URM1: variants seen among roughly 807,000 people sequenced by gnomAD.
URM1 encodes ubiquitin-related modifier 1.
Under a neutral mutation model 17.7 loss-of-function variants are expected in URM1, and 11 were observed. The ratio of observed to expected loss-of-function variants is 0.62; its 90% CI spans 0.39 to 1.03. The LOEUF is 1.03. Among genes scored for constraint, URM1 ranks in the 50% least tolerant of loss-of-function variants. The pLI, the probability that URM1 is intolerant of heterozygous loss-of-function variation, is 0.00. For missense variants in URM1, 128 were observed against 129.2 expected, an observed-to-expected ratio of 0.99 and a Z score of 0.04; for synonymous variants, 48 against 50.6, an observed-to-expected ratio of 0.95 and a Z score of 0.22.
Position 128,387,034 on chromosome 9 carries a change from C to T in URM1, c.107-782C>T, listed in dbSNP as rs1206079588. On this transcript the variant is annotated intron_variant, in intron 2 of 4. Coordinates refer to ENST00000372853, the MANE Select transcript of URM1 (RefSeq NM_030914.4). This position sits in a 1 kb window ranked among gnomAD's most constrained non-coding sequence, Gnocchi z 4.3. ...TGTGTGCTGTGGCCCGATACTGCTGCCCCTAGGAAAGGACAGGTGACCCTG... is the reference window on the plus strand; with the variant it reads ...TGTGTGCTGTGGCCCGATACTGCTGTCCCTAGGAAAGGACAGGTGACCCTG... Among the ~76,000 whole-genome samples the T allele has an allele frequency of 1.3e-5, 2 of 152,244 alleles. No individual in the cohort carries two copies. The highest frequency in any genetic ancestry group is 2.9e-5 in the Non-Finnish European group (2 of 68,038).
At chr9:128,375,961 G>A (rs73614134) in intron 1 of URM1, among the ~76,000 whole-genome samples, 3,241 of 152,204 alleles carry the variant, frequency 0.021, 125 homozygotes, top group African/African-American at 0.073. Flanking sequence ...CATCGGGGCC[G>A]GCAGCTCCAA....
chr9:128,390,116 T>A lies in URM1; in HGVS notation c.*382T>A. On this transcript the variant is annotated 3_prime_UTR_variant, in exon 5 of 5. Coordinates refer to ENST00000372853, the MANE Select transcript of URM1 (RefSeq NM_030914.4). Reference sequence around the variant, plus strand: ...CGCTCCAGCCCCAGAGCCAGCGTCTTCATGGGGAAGATGAATGGACCTGAG... The same window carrying A: ...CGCTCCAGCCCCAGAGCCAGCGTCTACATGGGGAAGATGAATGGACCTGAG... 1 of 264,546 alleles carries A rather than the reference T, an allele frequency of 3.8e-6. No homozygotes were observed. The highest frequency in any genetic ancestry group is 7.2e-6 in the Non-Finnish European group (1 of 138,152). 16.4% of individuals were successfully genotyped at this position (264,546 alleles called of 1,614,324 possible). A position where few individuals can be genotyped will look rare whatever the true frequency, so the allele number is the denominator to read the frequency against.
intron 2 of URM1, among the ~76,000 whole-genome samples, chr9:128,379,576 G>T (rs1833130516): frequency 6.6e-6 from 1 of 152,118 alleles, no homozygotes; most frequent in Admixed American, 6.6e-5. Context: ...AAGGCGGGTG[G>T]ATCACGAGGT....
chr9:128,384,559 T>G (rs1467455347), intron 2 of URM1, among the ~76,000 whole-genome samples: 1 of 152,174 alleles, frequency 6.6e-6, no homozygotes, highest in Non-Finnish European at 1.5e-5. Context: ...CAGCACTATC[T>G]GATTAATGGT....
At chr9:128,377,896 C>A in intron 1 of URM1, 140 bp from the exon 2 acceptor site, 1 of 760,816 alleles carries the variant, frequency 1.3e-6, no homozygotes, top group Non-Finnish European at 2.2e-6. Context: ...TTAGTCACTG[C>A]ACCCAAGGTG....
At chr9:128,377,751 C>T (rs1175915729) in intron 1 of URM1, among the ~76,000 whole-genome samples, 1 of 152,164 alleles carries the variant, frequency 6.6e-6, no homozygotes, top group East Asian at 1.9e-4. Flanking sequence ...GTCCTAGCTA[C>T]TTGGGAGGTT....
At chr9:128,382,073 A>G (rs1288163970) in intron 2 of URM1, among the ~76,000 whole-genome samples, 1 of 152,034 alleles carries the variant, frequency 6.6e-6, no homozygotes, top group African/African-American at 2.4e-5. Flanking sequence ...AGATTTTTTT[A>G]TCCTTCATCT....
At chr9:128,382,920 A>G (rs1053215379) in intron 2 of URM1, among the ~76,000 whole-genome samples, 1 of 151,820 alleles carries the variant, frequency 6.6e-6, no homozygotes, top group Non-Finnish European at 1.5e-5. Flanking sequence ...CATCCCTTTG[A>G]CCCAAGGCCC....
chr9:128,377,572 A>T (rs1833094314), intron 1 of URM1, among the ~76,000 whole-genome samples: 2 of 152,200 alleles, frequency 1.3e-5, no homozygotes, highest in East Asian at 3.8e-4. Flanking sequence ...CGGGAGGCTG[A>T]GGCACGAGAA....
chr9:128,384,796 G>A (rs544408708), intron 2 of URM1, among the ~76,000 whole-genome samples: 7 of 152,050 alleles, frequency 4.6e-5, no homozygotes, highest in East Asian at 3.9e-4. Context: ...AAAGGAAGCC[G>A]AGGCTTCCTA....
intron 2 of URM1, among the ~76,000 whole-genome samples, chr9:128,381,873 A>AT (rs1833163898): frequency 6.6e-6 from 1 of 152,216 alleles, no homozygotes; most frequent in Non-Finnish European, 1.5e-5. Context: ...GGCTCCCTGA[A>AT]TTACTCTAAC....
rs2240943 is a variant in URM1, at chr9:128,391,638, A to G, written c.*1904A>G. On this transcript the variant is annotated 3_prime_UTR_variant, in exon 5 of 5. Transcript: ENST00000372853. The stretch of plus-strand genomic sequence containing the variant: ...GCTGCAGGAGCGGCCCCATCAGTGC[A>G]CCTGATTGGAACACACTAGATTTCA... 0.082 allele frequency: 12,501 copies of G among 152,212 alleles called. 722 individuals carry two copies. Among genetic ancestry groups the G allele is most frequent in the East Asian group, 0.18 (941 of 5,162 alleles). The allele number at this position is 152,212 out of a possible 1,614,324, so 9.4% of individuals were successfully genotyped here.
intron 2 of URM1, among the ~76,000 whole-genome samples, chr9:128,378,324 G>A (rs1833107107): frequency 6.6e-6 from 1 of 151,694 alleles, no homozygotes; most frequent in African/African-American, 2.4e-5. Flanking sequence ...GGATCACAAG[G>A]TCAGGAGTTC....
Position 128,389,637 on chromosome 9 carries a change from GTCTCCCGCTCCCCTC to G in URM1, c.238-20_238-6del. 6.2e-7 allele frequency: 1 copy of G among 1,612,918 alleles called. No homozygotes were observed. Among genetic ancestry groups the G allele is most frequent in the Non-Finnish European group, 8.5e-7 (1 of 1,179,730 alleles). ...TGGACCTGGGAAGGTGGCCCTGAGG[GTCTCCCGCTCCCCTC>G]TCTCCCGCACCAGGGTGAGCTGGAC... On this transcript the variant is annotated splice_polypyrimidine_tract_variant and intron_variant, in intron 4 of 4. Transcript: ENST00000372853.
At chr9:128,389,495 G>C in intron 4 of URM1, 171 bp from the exon 5 acceptor site, 1 of 1,555,984 alleles carries the variant, frequency 6.4e-7, no homozygotes, top group Non-Finnish European at 8.7e-7. Flanking sequence ...GGGGACATGG[G>C]AGTACTCCTC....
Position 128,387,600 on chromosome 9 carries a change from G to C in URM1, c.107-216G>C, listed in dbSNP as rs527360263. ...TTCTCCAGGACTTCAGCAGTGCCAGGTGCAGCTTTCTCTGAAGATCCACCT... is the reference window on the plus strand; with the variant it reads ...TTCTCCAGGACTTCAGCAGTGCCAGCTGCAGCTTTCTCTGAAGATCCACCT... On this transcript the variant is annotated intron_variant, in intron 2 of 4. Transcript: ENST00000372853. The surrounding 1 kb of genome is among the most constrained non-coding windows in gnomAD (Gnocchi z 4.3). 6.6e-6 allele frequency among the ~76,000 whole-genome samples: 1 copy of C among 152,284 alleles called. No homozygotes were observed. The highest frequency in any genetic ancestry group is 1.9e-4 in the East Asian group (1 of 5,182).
chr9:128,373,924 A>G (rs556664623), intron 1 of URM1, among the ~76,000 whole-genome samples: 4 of 152,350 alleles, frequency 2.6e-5, no homozygotes, highest in Non-Finnish European at 5.9e-5. Flanking sequence ...GTGTATATGT[A>G]TGTGTATATA....
At position 128,386,514 on chromosome 9, in the gene URM1, G is replaced by A. The variant is rs978605150; in HGVS notation, c.107-1302G>A. Among the ~76,000 whole-genome samples, 6 of 152,258 alleles carry A rather than the reference G, an allele frequency of 3.9e-5. No homozygotes were observed. The East Asian group carries it at 5.8e-4, about 15-fold the overall frequency. The stretch of plus-strand genomic sequence containing the variant: ...GCCCGTGGCCCTGTGCTTTGCTGGC[G>A]TACGATCCAGGCAAGTTGGCACCAA... On this transcript the variant is annotated intron_variant, in intron 2 of 4. Transcript: ENST00000372853.
chr9:128,372,289 A>G (rs1833023674), intron 1 of URM1, among the ~76,000 whole-genome samples: 1 of 149,480 alleles, frequency 6.7e-6, no homozygotes, highest in Non-Finnish European at 1.5e-5. Context: ...TGTGTGTGGA[A>G]TAGGTAGGTG....
Sources: allele counts gnomAD v4.1 joint callset (sites outside exome capture counted in the v4.1 genomes callset), GRCh38; gene constraint gnomAD v4.1.1; non-coding constraint Gnocchi (gnomAD v3.1); transcripts MANE v1.5; gene names NCBI Gene and HGNC (gene_info 2026-07-23, HGNC 2026-07-21).